GDF6: variants seen among roughly 807,000 people sequenced by gnomAD.
GDF6 encodes the protein growth differentiation factor 6.
A neutral mutation model predicts 32.4 loss-of-function variants in GDF6; 3 were observed. That is an observed-to-expected ratio of 0.09 (90% CI 0.04 to 0.24). GDF6 has a LOEUF of 0.24. GDF6 is among the 10% of genes least tolerant of loss of function. GDF6 has a pLI of 1.00. For synonymous variants in GDF6, 296 were observed against 295.3 expected, an observed-to-expected ratio of 1.00 and a Z score of -0.03; for missense variants, 589 against 637.9, an observed-to-expected ratio of 0.92 and a Z score of 0.83.
intron 1 of GDF6, among the ~76,000 whole-genome samples, chr8:96,153,010 C>G (rs1001106127): frequency 6.6e-6 from 1 of 152,172 alleles, no homozygotes; most frequent in African/African-American, 2.4e-5. Flanking sequence ...AGGAGATCCT[C>G]GAATCCCACC....
chr8:96,160,731 G>T lies in GDF6; in HGVS notation c.-39C>A. ...CTGCGTCTCCCCAGGAGGCGGTGGC[G>T]GCGGCGCAGGACGCGCGGGGCACGG... On this transcript the variant is annotated 5_prime_UTR_variant, in exon 1 of 2. Transcript: ENST00000287020. 6.2e-7 allele frequency: 1 copy of T among 1,606,784 alleles called. No individual in the cohort carries two copies. The highest frequency in any genetic ancestry group is 8.5e-7 in the Non-Finnish European group (1 of 1,175,312).
rs767435794 is a variant in GDF6 at position 96,144,596 on chromosome 8, C to T, written c.1335G>A (p.Glu445=). Residue 445 remains glutamate (E), a synonymous_variant, in exon 2 of 2, where the codon GAG becomes GAA. Transcript: ENST00000287020. This position sits in a 1 kb window ranked among gnomAD's most constrained non-coding sequence, Gnocchi z 5.1. ...AGNNVVYKQY[E]DMVVESCGCR is the part of the protein sequence containing the mutation. ...AGCCGCACGACTCCACCACCATGTC[C>T]TCGTACTGCTTGTAGACCACATTAT... 2.5e-6 allele frequency: 4 copies of T among 1,614,020 alleles called. No homozygotes were observed. The highest frequency in any genetic ancestry group is 1.1e-5 in the South Asian group (1 of 91,046).
rs1812746374 is a variant in GDF6, at chr8:96,160,683, G to C, written c.10C>G (p.Pro4Ala). The C allele has an allele frequency of 6.2e-7, 1 of 1,613,376 alleles. No homozygotes were observed. The highest frequency in any genetic ancestry group is 1.3e-5 in the African/African-American group (1 of 74,912). The change falls in exon 1 of 2, where the codon CCC becomes GCC. Residue 4 changes from proline to alanine, a missense_variant. This residue lies in a region of GDF6 where 436 missense variants were observed against 411.2 expected (regional missense o/e 1.06). Coordinates refer to ENST00000287020, the MANE Select transcript of GDF6 (RefSeq NM_001001557.4). Reference protein sequence around the residue: MDTPRVLLSAVFLI... With the variant: MDTARVLLSAVFLI... ...AAGACGGCCGAGAGCAGGACCCTGG[G>C]AGTATCCATGGCGGGCAAGTGGCTG...
At chr8:96,150,462 T>C (rs995919472) in intron 1 of GDF6, among the ~76,000 whole-genome samples, 3 of 152,224 alleles carry the variant, frequency 2.0e-5, no homozygotes, top group Non-Finnish European at 4.4e-5. Context: ...GCAGCAGCAT[T>C]GAGCGCTTGT....
chr8:96,144,422 G>A lies in GDF6; in HGVS notation c.*141C>T. ...GGCTGCGCTCCCTTCTCTCCCACCG[G>A]CTCTCACATCCAGGCTGTTCCCTCA... On this transcript the variant is annotated 3_prime_UTR_variant, in exon 2 of 2. Transcript: ENST00000287020. The surrounding 1 kb of genome is among the most constrained non-coding windows in gnomAD (Gnocchi z 5.1). 1.0e-6 allele frequency: 1 copy of A among 952,796 alleles called. No individual in the cohort carries two copies. Among genetic ancestry groups the A allele is most frequent in the Non-Finnish European group, 1.5e-6 (1 of 647,606 alleles). The allele number at this position is 952,796 out of a possible 1,614,324, so 59.0% of individuals were successfully genotyped here.
intron 1 of GDF6, among the ~76,000 whole-genome samples, chr8:96,156,283 G>A (rs1244492280): frequency 6.6e-6 from 1 of 152,042 alleles, no homozygotes. Context: ...TCATTCTTGA[G>A]AGTTGTTTTT....
chr8:96,149,214 C>G (rs561567240), intron 1 of GDF6, among the ~76,000 whole-genome samples: 7 of 152,344 alleles, frequency 4.6e-5, no homozygotes, highest in Admixed American at 1.3e-4. Context: ...AAATCTGTGG[C>G]ACTTTCCCAC....
chr8:96,155,610 G>A (rs1812647933), intron 1 of GDF6, among the ~76,000 whole-genome samples: 1 of 152,202 alleles, frequency 6.6e-6, no homozygotes, highest in Admixed American at 6.5e-5. Flanking sequence ...GCACACACTT[G>A]AACGCTTAGC....
Position 96,144,281 on chromosome 8 carries a change from AGAGAGAGAG to A in GDF6, c.*273_*281del. 2 of 487,188 alleles carry A rather than the reference AGAGAGAGAG, an allele frequency of 4.1e-6. No homozygotes were observed. Among genetic ancestry groups the A allele is most frequent in the South Asian group, 2.1e-5 (1 of 47,820 alleles). The allele number at this position is 487,188 out of a possible 1,614,324, so 30.2% of individuals were successfully genotyped here. On this transcript the variant is annotated 3_prime_UTR_variant, in exon 2 of 2. Coordinates refer to ENST00000287020, the MANE Select transcript of GDF6 (RefSeq NM_001001557.4). The surrounding 1 kb of genome is among the most constrained non-coding windows in gnomAD (Gnocchi z 5.1). ...GAGAGAGAGAGAGAGAGAGAGAGAG[AGAGAGAGAG>A]AAAACAGAACAAAAGAAATCCTCCT...
chr8:96,157,046 T>A (rs1162534753), intron 1 of GDF6, among the ~76,000 whole-genome samples: 1 of 152,194 alleles, frequency 6.6e-6, no homozygotes, highest in East Asian at 1.9e-4. Flanking sequence ...GTGGTGATGA[T>A]AGCGTTTTCC....
At chr8:96,156,383 T>A (rs1586123968) in intron 1 of GDF6, among the ~76,000 whole-genome samples, 2 of 38,844 alleles carry the variant, frequency 5.1e-5, no homozygotes, top group Admixed American at 5.0e-4. Context: ...TTTCCCTCTC[T>A]CTCTCTCTCT....
intron 1 of GDF6, among the ~76,000 whole-genome samples, chr8:96,149,186 CAT>C (rs1244869094): frequency 6.6e-6 from 1 of 152,252 alleles, no homozygotes; most frequent in Admixed American, 6.5e-5. Context: ...ACTAAAAAAA[CAT>C]GCACTTGTCA....
intron 1 of GDF6, among the ~76,000 whole-genome samples, chr8:96,153,966 C>G (rs1003097312): frequency 6.6e-6 from 1 of 152,156 alleles, no homozygotes; most frequent in African/African-American, 2.4e-5. Flanking sequence ...TATTCCTAGT[C>G]AATTTCCCTC....
chr8:96,160,372 G>T lies in GDF6; in HGVS notation c.321C>A (p.Ile107=). 1 of 1,614,192 alleles carries T rather than the reference G, an allele frequency of 6.2e-7. No individual in the cohort carries two copies. ...TGGCATTGATGCCCAGCTTCTCAGC[G>T]ATGGAGTAAGTCCTGTAGATTGACA... ...YMLSIYRTYS[I]AEKLGINASF... The change falls in exon 1 of 2, where the codon ATC becomes ATA. Residue 107 remains isoleucine (I), a synonymous_variant. Transcript: ENST00000287020.
rs1000496892 is a variant in GDF6, at chr8:96,146,727, TAGAG to T, written c.407-1207_407-1204del. Among the ~76,000 whole-genome samples, 109 of 111,026 alleles carry T rather than the reference TAGAG, an allele frequency of 9.8e-4. No homozygotes were observed. The Middle Eastern group carries it at 0.014, about 14-fold the overall frequency. The allele number at this position is 111,026 out of a possible 152,430, so 72.8% of individuals were successfully genotyped here. A position where few individuals can be genotyped will look rare whatever the true frequency, so the allele number is the denominator to read the frequency against. On this transcript the variant is annotated intron_variant, in intron 1 of 1. Transcript: ENST00000287020. Reference sequence around the variant, plus strand: ...ACACACAGAGAGAGAGAGAGAGAGATAGAGAGACTTTCCCATCTCTCCTCCCACT... The same window carrying T: ...ACACACAGAGAGAGAGAGAGAGAGATAGACTTTCCCATCTCTCCTCCCACT...
chr8:96,147,142 G>A (rs915845389), intron 1 of GDF6, among the ~76,000 whole-genome samples: 24 of 152,278 alleles, frequency 1.6e-4, no homozygotes, highest in Admixed American at 3.9e-4. Context: ...GATGTAGCCC[G>A]GGGGCACTGG....
Position 96,145,489 on chromosome 8 carries a change from A to G in GDF6, c.442T>C (p.Tyr148His). ...GAGAGCATGGACACATCAAACAAAT[A>G]CTTCTGTCTCCGGAGAGGAGTGTGC... ...LSHTPLRRQK[Y>H]LFDVSMLSDK... is the part of the protein sequence containing the mutation. Residue 148 changes from tyrosine to histidine, a missense_variant, in exon 2 of 2, where the codon TAT (tyrosine) becomes CAT (histidine). Physicochemically the swap from Tyr to His is moderately conservative, Grantham distance 83. Around this residue, in one of 2 missense-constraint regions of GDF6, gnomAD observed 436 missense variants for 411.2 expected, o/e 1.06. Coordinates refer to ENST00000287020, the MANE Select transcript of GDF6 (RefSeq NM_001001557.4). This position sits in a 1 kb window ranked among gnomAD's most constrained non-coding sequence, Gnocchi z 5.6. The G allele has an allele frequency of 1.3e-6, 2 of 1,597,902 alleles. No individual in the cohort carries two copies. Among genetic ancestry groups the G allele is most frequent in the Non-Finnish European group, 1.7e-6 (2 of 1,179,618 alleles).
Position 96,160,386 on chromosome 8 carries a change from T to C in GDF6, c.307A>G (p.Arg103Gly), listed in dbSNP as rs1177805285. 1 of 1,614,214 alleles carries C rather than the reference T, an allele frequency of 6.2e-7. No homozygotes were observed. The highest frequency in any genetic ancestry group is 8.5e-7 in the Non-Finnish European group (1 of 1,180,028). Residue 103 changes from arginine (R) to glycine (G), a missense_variant, in exon 1 of 2, where the codon AGG (arginine) becomes GGG (glycine). Coordinates refer to ENST00000287020, the MANE Select transcript of GDF6 (RefSeq NM_001001557.4). ...VPHEYMLSIYRTYSIAEKLGI... is the reference protein window; with the variant it reads ...VPHEYMLSIYGTYSIAEKLGI... ...AGCTTCTCAGCGATGGAGTAAGTCCTGTAGATTGACAGCATGTACTCGTGG... is the reference window on the plus strand; with the variant it reads ...AGCTTCTCAGCGATGGAGTAAGTCCCGTAGATTGACAGCATGTACTCGTGG...
chr8:96,160,159 T>G, intron 1 of GDF6, 128 bp downstream of exon 1: 1 of 1,020,044 alleles, frequency 9.8e-7, no homozygotes, highest in South Asian at 1.3e-5. Flanking sequence ...AGAAAAACAA[T>G]TTAAGAAAAG....
Sources: gnomAD v4.1 joint callset for allele counts (sites outside exome capture counted in the v4.1 genomes callset) on GRCh38, gnomAD v4.1.1 for gene constraint, gnomAD v4.1.1 regional missense constraint, Gnocchi (gnomAD v3.1) non-coding constraint, MANE v1.5 for transcripts, NCBI Gene and HGNC (gene_info 2026-07-23, HGNC 2026-07-21) for gene names.